Variants in CCDC73 observed in about 807,000 individuals in gnomAD.
CCDC73 encodes the protein coiled-coil domain containing 73, also known as coiled-coil domain-containing protein 73.
In CCDC73, 95 loss-of-function variants were observed where a neutral mutation model predicts 116.5. The observed-to-expected ratio is 0.82, with a 90% CI of 0.69 to 0.97. The LOEUF (loss-of-function observed/expected upper bound fraction) is 0.97, where lower values mean the gene tolerates loss of function less well. Ranked by LOEUF, CCDC73 falls within the 50% of genes least tolerant of loss-of-function variation. The pLI is 0.00. For missense variants in CCDC73, 1,066 were observed against 1,206.8 expected (o/e 0.88, Z 1.73); for synonymous variants, 398 against 401.3 (o/e 0.99, Z 0.10).
chr11:32,613,742 C>G lies in CCDC73; in HGVS notation c.2576G>C (p.Ser859Thr), dbSNP rs1174661764. The stretch of plus-strand genomic sequence containing the variant: ...ATGTGATTCCTCCAGCTGTCCTTCA[C>G]TGAACATTTTTCCTGAAACAATGTC... ...LNDIVSGKMF[S>T]EGQLEESHSF... The change falls in exon 16 of 18, where the codon AGT becomes ACT. Residue 859 changes from serine (S) to threonine (T), a missense_variant. Ser to Thr is a moderately conservative substitution (Grantham distance 58, BLOSUM62 1). Coordinates refer to ENST00000335185, the MANE Select transcript of CCDC73 (RefSeq NM_001008391.4). 10 of 1,613,944 alleles carry G rather than the reference C, an allele frequency of 6.2e-6. No homozygotes were observed. Among genetic ancestry groups the G allele is most frequent in the Non-Finnish European group, 6.8e-6 (8 of 1,179,990 alleles).
At chr11:32,776,759 C>CTAA (rs775408918) in intron 1 of CCDC73, among the ~76,000 whole-genome samples, 12 of 151,346 alleles carry the variant, frequency 7.9e-5, no homozygotes, top group Non-Finnish European at 1.5e-4. Flanking sequence ...AAGGCAAGAA[C>CTAA]TGTTTTACTC....
At chr11:32,780,951 T>C (rs1028099648) in intron 1 of CCDC73, among the ~76,000 whole-genome samples, 1 of 151,952 alleles carries the variant, frequency 6.6e-6, no homozygotes, top group African/African-American at 2.4e-5. Context: ...CTGGGCAACA[T>C]GGCAAGACCC....
upstream of CCDC73, among the ~76,000 whole-genome samples, chr11:32,796,688 G>A (rs556705029): frequency 1.3e-5 from 2 of 152,180 alleles, no homozygotes; most frequent in South Asian, 4.2e-4. Context: ...TGAGTCATGA[G>A]GGGAGAATAG....
chr11:32,703,045 T>G, intron 3 of CCDC73, 101 bp from the exon 4 acceptor site: 1 of 791,644 alleles, frequency 1.3e-6, no homozygotes, highest in Admixed American at 2.0e-5. Flanking sequence ...CCATACCTTC[T>G]ACATATATTA....
intron 1 of CCDC73, among the ~76,000 whole-genome samples, chr11:32,776,968 C>T (rs1411242542): frequency 7.5e-4 from 91 of 122,008 alleles, no homozygotes; most frequent in Admixed American, 2.1e-3. Context: ...TATACACACA[C>T]ACACATATAT....
intron 1 of CCDC73, among the ~76,000 whole-genome samples, chr11:32,790,642 A>C (rs1850666487): frequency 6.6e-6 from 1 of 151,292 alleles, no homozygotes; most frequent in Non-Finnish European, 1.5e-5. Context: ...GTTCATACTA[A>C]AATCTTTACC....
chr11:32,678,648 G>A (rs1302319339), intron 7 of CCDC73, among the ~76,000 whole-genome samples: 2 of 152,038 alleles, frequency 1.3e-5, no homozygotes, highest in East Asian at 3.9e-4. Context: ...CACTTTGGGA[G>A]GCCAAGGTGG....
chr11:32,809,657 T>C, the CCDC73 span, among the ~76,000 whole-genome samples: 2 of 152,136 alleles, frequency 1.3e-5, no homozygotes, highest in African/African-American at 4.8e-5. Flanking sequence ...CAACAGAGAA[T>C]TGCCCCTAAA....
chr11:32,741,210 T>G (rs945256788), intron 2 of CCDC73, among the ~76,000 whole-genome samples: 9 of 151,904 alleles, frequency 5.9e-5, no homozygotes, highest in Non-Finnish European at 1.3e-4. Context: ...ACAGATTAAG[T>G]CCAGTGTCTC....
At chr11:32,760,082 A>T in intron 2 of CCDC73, 27 bp downstream of exon 2, 1 of 1,567,418 alleles carries the variant, frequency 6.4e-7, no homozygotes, top group Non-Finnish European at 8.6e-7. Context: ...TTCTTATTTA[A>T]CAAAAGCATT....
intron 9 of CCDC73, among the ~76,000 whole-genome samples, chr11:32,657,389 T>G (rs1285772239): frequency 6.6e-6 from 1 of 152,128 alleles, no homozygotes; most frequent in African/African-American, 2.4e-5. Flanking sequence ...GGCAGACAAA[T>G]TGATGTCTGG....
intron 1 of CCDC73, among the ~76,000 whole-genome samples, chr11:32,789,487 C>A (rs931203865): frequency 1.3e-5 from 2 of 152,054 alleles, no homozygotes; most frequent in African/African-American, 2.4e-5. Context: ...TACAGACACC[C>A]AGGCTGGGGT....
the CCDC73 span, among the ~76,000 whole-genome samples, chr11:32,819,942 T>A: frequency 6.6e-6 from 1 of 152,196 alleles, no homozygotes; most frequent in Admixed American, 6.5e-5. Flanking sequence ...CCTGGAATGA[T>A]GTACTCCAAA....
At chr11:32,606,425 CTG>C (rs1855351857) in intron 17 of CCDC73, among the ~76,000 whole-genome samples, 1 of 152,282 alleles carries the variant, frequency 6.6e-6, no homozygotes, top group African/African-American at 2.4e-5. Context: ...ATGGGTGTGA[CTG>C]TGGTCTATTA....
At chr11:32,607,659 A>G (rs964839037) in intron 17 of CCDC73, among the ~76,000 whole-genome samples, 46 of 152,300 alleles carry the variant, frequency 3.0e-4, no homozygotes, top group Admixed American at 2.4e-3. Flanking sequence ...AGATTTTCCA[A>G]TGCCAGAGTT....
intron 3 of CCDC73, among the ~76,000 whole-genome samples, chr11:32,715,190 T>C (rs982509687): frequency 6.6e-6 from 1 of 152,200 alleles, no homozygotes; most frequent in Non-Finnish European, 1.5e-5. Context: ...TTAACCATGA[T>C]GGTTTCAAAG....
At chr11:32,727,597 T>C (rs1333547831) in intron 2 of CCDC73, among the ~76,000 whole-genome samples, 1 of 152,090 alleles carries the variant, frequency 6.6e-6, no homozygotes, top group Non-Finnish European at 1.5e-5. Context: ...TTTTGAGACG[T>C]TGTCTCGCTC....
chr11:32,783,142 G>T (rs1297335686), intron 1 of CCDC73, among the ~76,000 whole-genome samples: 1 of 151,204 alleles, frequency 6.6e-6, no homozygotes, highest in East Asian at 1.9e-4. Context: ...GAAATGAAAA[G>T]ATCCTATATG....
chr11:32,658,780 A>G (rs1855896265), intron 9 of CCDC73, among the ~76,000 whole-genome samples: 1 of 152,092 alleles, frequency 6.6e-6, no homozygotes, highest in Non-Finnish European at 1.5e-5. Context: ...AGACATTCTA[A>G]AAAAAAATAT....
Sources: allele counts gnomAD v4.1 joint callset (sites outside exome capture counted in the v4.1 genomes callset), GRCh38; gene constraint gnomAD v4.1.1; transcripts MANE v1.5; gene names NCBI Gene and HGNC (gene_info 2026-07-23, HGNC 2026-07-21).